The following ST6GALNAC3 variants were observed in gnomAD, a reference collection of about 807,000 sequenced individuals.
ST6GALNAC3 encodes the protein alpha-N-acetylgalactosaminide alpha-2,6-sialyltransferase 3.
In ST6GALNAC3, 25 loss-of-function variants were observed where a neutral mutation model predicts 32.7. The observed-to-expected ratio is 0.76, with a 90% confidence interval of 0.56 to 1.07. The LOEUF is 1.07. Ranked by LOEUF, ST6GALNAC3 falls within the 50% of genes least tolerant of loss-of-function variation. ST6GALNAC3 has a pLI of 0.00. For missense variants in ST6GALNAC3, 355 were observed against 382.4 expected, an observed-to-expected ratio of 0.93 and a Z score of 0.60; for synonymous variants, 129 against 133.1, an observed-to-expected ratio of 0.97 and a Z score of 0.21.
intron 3 of ST6GALNAC3, among the ~76,000 whole-genome samples, chr1:76,443,864 T>C (rs1325789799): frequency 6.6e-6 from 1 of 152,244 alleles, no homozygotes; most frequent in African/African-American, 2.4e-5. Flanking sequence ...GTACTTCACA[T>C]AAATACTGTT....
intron 1 of ST6GALNAC3, among the ~76,000 whole-genome samples, chr1:76,199,376 A>G (rs1490621610): frequency 3.3e-5 from 5 of 152,224 alleles, no homozygotes; most frequent in African/African-American, 7.2e-5. Flanking sequence ...TCACTTCCAT[A>G]AGGAAAATTC....
At chr1:76,554,978 G>T (rs1424296059) in intron 3 of ST6GALNAC3, among the ~76,000 whole-genome samples, 3 of 152,110 alleles carry the variant, frequency 2.0e-5, no homozygotes, top group Non-Finnish European at 4.4e-5. Flanking sequence ...TAACTAATTT[G>T]CCCAAGGTAC....
chr1:76,210,134 T>C (rs961146077), intron 1 of ST6GALNAC3, among the ~76,000 whole-genome samples: 1 of 152,144 alleles, frequency 6.6e-6, no homozygotes, highest in African/African-American at 2.4e-5. Context: ...TACATAGGTA[T>C]ATGTGTGCCA....
At chr1:76,359,014 T>G (rs901149727) in intron 2 of ST6GALNAC3, among the ~76,000 whole-genome samples, 6 of 152,184 alleles carry the variant, frequency 3.9e-5, no homozygotes, top group Admixed American at 3.9e-4. Context: ...AAAATACATA[T>G]TGCAATTGTA....
chr1:76,377,097 T>G (rs1651296748), intron 2 of ST6GALNAC3, among the ~76,000 whole-genome samples: 1 of 152,058 alleles, frequency 6.6e-6, no homozygotes, highest in African/African-American at 2.4e-5. Context: ...AAAACTCACC[T>G]CTGTACAGAA....
chr1:76,494,319 T>C (rs541359599), intron 3 of ST6GALNAC3, among the ~76,000 whole-genome samples: 1 of 150,994 alleles, frequency 6.6e-6, no homozygotes, highest in East Asian at 2.0e-4. Flanking sequence ...TTACTAAGTC[T>C]CTTAAGTTTC....
intron 1 of ST6GALNAC3, among the ~76,000 whole-genome samples, chr1:76,089,642 A>G (rs1487845521): frequency 2.0e-5 from 3 of 152,174 alleles, no homozygotes; most frequent in African/African-American, 4.8e-5. Context: ...AAGGGAATCA[A>G]GTTTGAGCAT....
intron 1 of ST6GALNAC3, among the ~76,000 whole-genome samples, chr1:76,304,686 A>G (rs989384576): frequency 6.6e-6 from 1 of 152,010 alleles, no homozygotes; most frequent in Non-Finnish European, 1.5e-5. Flanking sequence ...GTGAGGATAA[A>G]TGCCATTTAA....
chr1:76,436,418 G>T (rs1372650661), intron 3 of ST6GALNAC3, among the ~76,000 whole-genome samples: 2 of 152,040 alleles, frequency 1.3e-5, no homozygotes, highest in Admixed American at 1.3e-4. Context: ...ATTACCAGGT[G>T]GTTATTGAGG....
chr1:76,297,415 C>T (rs1660467742), intron 1 of ST6GALNAC3, among the ~76,000 whole-genome samples: 2 of 151,844 alleles, frequency 1.3e-5, no homozygotes, highest in Admixed American at 1.3e-4. Context: ...TGTCCTTTTC[C>T]TTAAGGCATT....
rs535383152 is a variant in ST6GALNAC3 at position 76,417,579 on chromosome 1, G to A, written c.623+5162G>A. ...TGGCACACACATATGCAAAAGGAAT[G>A]TTAACTTTTCTAGAGAAGCAGTTGA... On this transcript the variant is annotated intron_variant, in intron 3 of 4. Coordinates refer to ENST00000328299, the MANE Select transcript of ST6GALNAC3 (RefSeq NM_152996.4). Among the ~76,000 whole-genome samples the A allele has an allele frequency of 2.4e-4, 36 of 152,264 alleles. No homozygotes were observed. In the South Asian group the frequency reaches 7.2e-3, roughly 31 times the overall value.
chr1:76,148,659 C>T (rs1557654716), intron 1 of ST6GALNAC3, among the ~76,000 whole-genome samples: 1 of 152,212 alleles, frequency 6.6e-6, no homozygotes, highest in Non-Finnish European at 1.5e-5. Flanking sequence ...AGCTTTCCAT[C>T]TGGCCACAGG....
chr1:76,386,919 T>C (rs1201237873), intron 2 of ST6GALNAC3, among the ~76,000 whole-genome samples: 1 of 152,134 alleles, frequency 6.6e-6, no homozygotes, highest in Non-Finnish European at 1.5e-5. Context: ...ACATGGAAGT[T>C]TTATTTTAGG....
At chr1:76,334,458 T>C (rs1647308580) in intron 2 of ST6GALNAC3, among the ~76,000 whole-genome samples, 1 of 152,200 alleles carries the variant, frequency 6.6e-6, no homozygotes, top group Non-Finnish European at 1.5e-5. Context: ...GCATACTACA[T>C]GCAGAATGTC....
intron 1 of ST6GALNAC3, among the ~76,000 whole-genome samples, chr1:76,110,362 G>A (rs1249605902): frequency 6.6e-6 from 1 of 152,232 alleles, no homozygotes; most frequent in East Asian, 1.9e-4. Context: ...CTTTAAAAAG[G>A]AAGTAGAAGC....
intron 1 of ST6GALNAC3, among the ~76,000 whole-genome samples, chr1:76,096,132 T>C (rs1647127457): frequency 6.6e-6 from 1 of 152,178 alleles, no homozygotes; most frequent in Admixed American, 6.5e-5. Context: ...TGCCTCCTGA[T>C]GCATGCAGAA....
At chr1:76,399,037 G>T (rs1653203178) in intron 2 of ST6GALNAC3, among the ~76,000 whole-genome samples, 1 of 151,852 alleles carries the variant, frequency 6.6e-6, no homozygotes, top group South Asian at 2.1e-4. Context: ...ATCAATAATT[G>T]CATCTTATGC....
rs755028231 is a variant in ST6GALNAC3, at chr1:76,313,852, G to C, written c.66G>C (p.Leu22=). 5.6e-6 allele frequency: 9 copies of C among 1,613,408 alleles called. No homozygotes were observed. The highest frequency in any genetic ancestry group is 6.8e-6 in the Non-Finnish European group (8 of 1,179,722). ...GCTTCATAGCAGCGTTCCTTTTCCT[G>C]CTGGTTGTGCGTCTTGTAAATGAAG... ...AVSFIAAFLF[L]LVVRLVNEVN... is the part of the protein sequence containing the mutation. Residue 22 remains leucine, a synonymous_variant, in exon 2 of 5, where the codon CTG becomes CTC. Transcript: ENST00000328299.
At chr1:76,195,169 G>T (rs1357405149) in intron 1 of ST6GALNAC3, among the ~76,000 whole-genome samples, 2 of 152,178 alleles carry the variant, frequency 1.3e-5, no homozygotes, top group African/African-American at 4.8e-5. Flanking sequence ...TGGCATCAAT[G>T]ACTATTAGTT....
Sources: gnomAD v4.1 joint callset for allele counts (sites outside exome capture counted in the v4.1 genomes callset) on GRCh38, gnomAD v4.1.1 for gene constraint, MANE v1.5 for transcripts, NCBI Gene and HGNC (gene_info 2026-07-23, HGNC 2026-07-21) for gene names.